Variants in ASB2 observed in about 807,000 individuals in gnomAD.
ASB2 encodes the protein ankyrin repeat and SOCS box protein 2.
A neutral mutation model predicts 62.4 loss-of-function variants in ASB2; 58 were observed. The observed-to-expected ratio is 0.93, with a 90% CI of 0.75 to 1.16. ASB2 has a LOEUF of 1.16. ASB2 is among the 50% of genes most tolerant of loss of function. ASB2 has a pLI of 0.00. For synonymous variants in ASB2, 386 were observed against 385.3 expected (o/e 1.00, Z -0.02); for missense variants, 928 against 887.9 (o/e 1.05, Z -0.57).
intron 7 of ASB2, chr14:93,942,208 T>G: frequency 2.2e-6 from 1 of 456,086 alleles, no homozygotes; most frequent in Non-Finnish European, 4.4e-6. Context: ...AGGCACGTTT[T>G]GGATTCTCAG....
chr14:93,954,682 G>A lies in ASB2; in HGVS notation c.312-199C>T, dbSNP rs193270764. On this transcript the variant is annotated intron_variant, in intron 3 of 9. Coordinates refer to ENST00000555019, the MANE Select transcript of ASB2 (RefSeq NM_001202429.2). ...ATCTCTGTGGCTTTCCATGGCTGCC[G>A]GGAATGTTATACCAAAACCAATTCT... 1.7e-4 allele frequency among the ~76,000 whole-genome samples: 26 copies of A among 152,360 alleles called. No homozygotes were observed. The Middle Eastern group carries it at 0.01, about 60-fold the overall frequency.
At chr14:93,954,814 G>A (rs1336935194) in intron 3 of ASB2, among the ~76,000 whole-genome samples, 1 of 152,058 alleles carries the variant, frequency 6.6e-6, no homozygotes, top group East Asian at 1.9e-4. Flanking sequence ...TAGCACTCTA[G>A]CATTTACCAG....
At chr14:93,972,820 C>G (rs1047609803) in intron 1 of ASB2, among the ~76,000 whole-genome samples, 1 of 152,248 alleles carries the variant, frequency 6.6e-6, no homozygotes, top group Non-Finnish European at 1.5e-5. Context: ...TCTCAAGCCT[C>G]TGGCTGCCCT....
chr14:93,963,568 G>A (rs1889480133), intron 2 of ASB2, among the ~76,000 whole-genome samples: 1 of 152,192 alleles, frequency 6.6e-6, no homozygotes, highest in Non-Finnish European at 1.5e-5. Flanking sequence ...ATGTGCTAGG[G>A]AGCGCTTGAA....
intron 5 of ASB2, 88 bp from the exon 6 acceptor site, chr14:93,951,332 C>T (rs1348816071): frequency 7.0e-7 from 1 of 1,432,794 alleles, no homozygotes; most frequent in South Asian, 1.3e-5. Context: ...TCCATTCACT[C>T]ATCCACTCAT....
chr14:93,940,663 T>TGTG (rs1427649305), intron 7 of ASB2, among the ~76,000 whole-genome samples: 1 of 152,186 alleles, frequency 6.6e-6, no homozygotes, highest in Non-Finnish European at 1.5e-5. Context: ...ACCTTCTGGG[T>TGTG]GTGGAGAACT....
intron 1 of ASB2, among the ~76,000 whole-genome samples, chr14:93,965,918 T>C (rs1349714537): frequency 2.6e-5 from 4 of 152,222 alleles, no homozygotes; most frequent in Non-Finnish European, 5.9e-5. Flanking sequence ...CCCCTCAGCC[T>C]AGGCCCCAGA....
intron 1 of ASB2, among the ~76,000 whole-genome samples, chr14:93,974,838 C>G (rs1889864591): frequency 6.6e-6 from 1 of 152,248 alleles, no homozygotes; most frequent in Non-Finnish European, 1.5e-5. Context: ...CAGTGCTCAA[C>G]AAAGGCTTGC....
At chr14:93,938,520 G>T (rs539013483) in intron 8 of ASB2, among the ~76,000 whole-genome samples, 2 of 152,256 alleles carry the variant, frequency 1.3e-5, no homozygotes, top group South Asian at 2.1e-4. Context: ...GATTACAGGC[G>T]TGAGCCACCG....
chr14:93,951,268 T>A (rs765024772), intron 5 of ASB2, 24 bp from the exon 6 acceptor site: 1 of 1,574,354 alleles, frequency 6.4e-7, no homozygotes, highest in East Asian at 2.3e-5. Flanking sequence ...GAAGCAGGGA[T>A]GGTCAGCAGG....
At chr14:93,967,682 A>G (rs139784946) in intron 1 of ASB2, among the ~76,000 whole-genome samples, 59 of 151,972 alleles carry the variant, frequency 3.9e-4, no homozygotes, top group Non-Finnish European at 7.2e-4. Context: ...AGAGTCTGCA[A>G]CTCAGCGAGA....
At chr14:93,942,266 A>G (rs1466080587) in intron 7 of ASB2, 11 of 455,954 alleles carry the variant, frequency 2.4e-5, no homozygotes, top group Admixed American at 4.7e-5. Flanking sequence ...AAAGGTGACT[A>G]TTGTCTGATA....
intron 7 of ASB2, chr14:93,941,056 G>T (rs1842685748): frequency 6.6e-6 from 1 of 152,498 alleles, no homozygotes; most frequent in African/African-American, 2.4e-5. Context: ...TCAGCCCTGG[G>T]TGGGAGTGGC....
chr14:93,942,824 A>G (rs1888578349), intron 7 of ASB2, among the ~76,000 whole-genome samples: 1 of 151,094 alleles, frequency 6.6e-6, no homozygotes, highest in Non-Finnish European at 1.5e-5. Flanking sequence ...CACCTAAAGC[A>G]GAGGGGTAAT....
intron 2 of ASB2, among the ~76,000 whole-genome samples, chr14:93,958,276 C>A (rs1049832351): frequency 6.6e-6 from 1 of 152,200 alleles, no homozygotes; most frequent in East Asian, 1.9e-4. Flanking sequence ...ATCCATCAAC[C>A]GTAGATGGGG....
chr14:93,965,469 A>G (rs1384040924), intron 1 of ASB2, among the ~76,000 whole-genome samples: 2 of 152,338 alleles, frequency 1.3e-5, no homozygotes, highest in East Asian at 3.9e-4. Context: ...CAGTCATTAA[A>G]ATAACGTCCC....
Position 93,934,226 on chromosome 14 carries a change from C to G in ASB2, c.*430G>C, listed in dbSNP as rs1465587145. 2 of 457,116 alleles carry G rather than the reference C, an allele frequency of 4.4e-6. No homozygotes were observed. The highest frequency in any genetic ancestry group is 1.4e-4 in the East Asian group (2 of 14,444). The allele number at this position is 457,116 out of a possible 1,614,324, so 28.3% of individuals were successfully genotyped here. A position where few individuals can be genotyped will look rare whatever the true frequency, so the allele number is the denominator to read the frequency against. ...AAAGCCCTCCAAGACCCAGGCTCCC[C>G]CTACCCCCTACCTTGGGCCACGTCT... On this transcript the variant is annotated 3_prime_UTR_variant, in exon 10 of 10. Transcript: ENST00000555019.
chr14:93,936,347 T>C (rs937115204), intron 9 of ASB2, among the ~76,000 whole-genome samples: 1 of 152,236 alleles, frequency 6.6e-6, no homozygotes, highest in East Asian at 1.9e-4. Flanking sequence ...CTGCAGGGAT[T>C]TCCCTGGGGC....
intron 2 of ASB2, among the ~76,000 whole-genome samples, chr14:93,958,898 G>C (rs73339869): frequency 0.032 from 4,902 of 152,280 alleles, 263 homozygotes; most frequent in African/African-American, 0.11. Flanking sequence ...TAAAGCACTG[G>C]GAAAAAGCCC....
Sources: gnomAD v4.1 joint callset for allele counts (sites outside exome capture counted in the v4.1 genomes callset) on GRCh38, gnomAD v4.1.1 for gene constraint, MANE v1.5 for transcripts, NCBI Gene and HGNC (gene_info 2026-07-23, HGNC 2026-07-21) for gene names.